The following ARHGAP24 variants were observed in gnomAD, a reference collection of about 807,000 sequenced individuals.
The protein encoded by ARHGAP24 is rho GTPase-activating protein 24.
Under a neutral mutation model 76.4 loss-of-function variants are expected in ARHGAP24, and 50 were observed. The ratio of observed to expected loss-of-function variants is 0.65; its 90% CI spans 0.52 to 0.83. ARHGAP24 has a LOEUF of 0.83. Ranked by LOEUF, ARHGAP24 falls within the 40% of genes least tolerant of loss-of-function variation. The probability of loss-of-function intolerance (pLI) is 0.00; values close to 1 mark genes in which losing one functional copy is unlikely to be tolerated. For missense variants in ARHGAP24, 930 were observed against 914.2 expected, an observed-to-expected ratio of 1.02 and a Z score of -0.22; for synonymous variants, 345 against 323.3, an observed-to-expected ratio of 1.07 and a Z score of -0.72.
chr4:85,797,338 A>C (rs1264975110), intron 3 of ARHGAP24, among the ~76,000 whole-genome samples: 1 of 151,840 alleles, frequency 6.6e-6, no homozygotes, highest in Non-Finnish European at 1.5e-5. Context: ...ACGCCCAGCT[A>C]ATTTTTTTGT....
At chr4:85,812,398 G>C (rs971538277) in intron 3 of ARHGAP24, among the ~76,000 whole-genome samples, 7 of 151,852 alleles carry the variant, frequency 4.6e-5, no homozygotes, top group African/African-American at 1.5e-4. Context: ...GTGATATCTT[G>C]AGCTTTTAAG....
chr4:85,768,025 A>G (rs1726992829), intron 3 of ARHGAP24, among the ~76,000 whole-genome samples: 1 of 152,244 alleles, frequency 6.6e-6, no homozygotes, highest in South Asian at 2.1e-4. Flanking sequence ...AAAGGTGTCA[A>G]AGAGACTGGC....
intron 2 of ARHGAP24, among the ~76,000 whole-genome samples, chr4:85,637,525 T>A (rs1409734338): frequency 6.6e-6 from 1 of 152,102 alleles, no homozygotes; most frequent in Non-Finnish European, 1.5e-5. Flanking sequence ...CCATACATTG[T>A]AACCACTAGC....
At chr4:85,493,216 G>A (rs1723426641) in intron 1 of ARHGAP24, among the ~76,000 whole-genome samples, 1 of 152,158 alleles carries the variant, frequency 6.6e-6, no homozygotes, top group African/African-American at 2.4e-5. Context: ...CTATAAAGTT[G>A]CTAGTTTACT....
At chr4:85,762,901 A>C (rs1270850848) in intron 3 of ARHGAP24, among the ~76,000 whole-genome samples, 4 of 152,214 alleles carry the variant, frequency 2.6e-5, no homozygotes, top group Non-Finnish European at 1.5e-5. Context: ...GAAAAACAAG[A>C]TGACAGGGTA....
chr4:85,806,442 A>G (rs1044172817), intron 3 of ARHGAP24, among the ~76,000 whole-genome samples: 2 of 152,218 alleles, frequency 1.3e-5, no homozygotes, highest in Admixed American at 1.3e-4. Flanking sequence ...TGTGACCATC[A>G]TGAATTACAT....
At chr4:85,631,200 C>T (rs79093697) in intron 2 of ARHGAP24, among the ~76,000 whole-genome samples, 225 of 151,954 alleles carry the variant, frequency 1.5e-3, no homozygotes, top group African/African-American at 5.3e-3. Context: ...ACTTTTGTAT[C>T]GAAAGATAAA....
At chr4:85,946,882 T>C (rs1163706200) in intron 5 of ARHGAP24, among the ~76,000 whole-genome samples, 1 of 152,216 alleles carries the variant, frequency 6.6e-6, no homozygotes, top group Admixed American at 6.5e-5. Flanking sequence ...GTGGTTCAAC[T>C]CTCACTTCCT....
At chr4:85,563,575 AAAT>A (rs1726684241) in intron 1 of ARHGAP24, among the ~76,000 whole-genome samples, 1 of 152,232 alleles carries the variant, frequency 6.6e-6, no homozygotes, top group Non-Finnish European at 1.5e-5. Flanking sequence ...CCCTATATCC[AAAT>A]ACCATCACAC....
chr4:85,589,083 C>T (rs1413792545), intron 2 of ARHGAP24, among the ~76,000 whole-genome samples: 1 of 152,194 alleles, frequency 6.6e-6, no homozygotes, highest in Non-Finnish European at 1.5e-5. Context: ...AATAGAGATT[C>T]TGTAAACTTC....
chr4:85,508,563 A>G (rs1311605458), intron 1 of ARHGAP24, among the ~76,000 whole-genome samples: 1 of 151,996 alleles, frequency 6.6e-6, no homozygotes, highest in African/African-American at 2.4e-5. Context: ...TAAAGATGGA[A>G]CTCCAGCACC....
At chr4:85,695,911 T>A (rs74987947) in intron 2 of ARHGAP24, among the ~76,000 whole-genome samples, 3,381 of 152,264 alleles carry the variant, frequency 0.022, 50 homozygotes, top group South Asian at 0.056. Flanking sequence ...ATAGTATAAC[T>A]TGAATTTATT....
chr4:85,583,323 T>C (rs554707857), intron 2 of ARHGAP24, among the ~76,000 whole-genome samples: 4 of 152,284 alleles, frequency 2.6e-5, no homozygotes, highest in Admixed American at 2.6e-4. Flanking sequence ...TTATGAACTG[T>C]TATGTCTTAT....
At chr4:85,811,821 A>G (rs1342781524) in intron 3 of ARHGAP24, among the ~76,000 whole-genome samples, 5 of 152,212 alleles carry the variant, frequency 3.3e-5, no homozygotes, top group Non-Finnish European at 7.3e-5. Context: ...TTCTGTGCTT[A>G]ATATATATGT....
chr4:85,718,395 A>G (rs1724811359), intron 2 of ARHGAP24, among the ~76,000 whole-genome samples: 1 of 152,124 alleles, frequency 6.6e-6, no homozygotes, highest in East Asian at 1.9e-4. Flanking sequence ...ACACACATGT[A>G]TAAACACGTA....
At chr4:85,539,632 A>G (rs1364444052) in intron 1 of ARHGAP24, among the ~76,000 whole-genome samples, 3 of 152,194 alleles carry the variant, frequency 2.0e-5, no homozygotes, top group Non-Finnish European at 2.9e-5. Context: ...AGGTAGTTTT[A>G]CTAAATTTAA....
chr4:85,923,388 G>A (rs1442490154), intron 3 of ARHGAP24, among the ~76,000 whole-genome samples: 1 of 152,178 alleles, frequency 6.6e-6, no homozygotes, highest in African/African-American at 2.4e-5. Context: ...ATGCAGGCCT[G>A]TGGGTTGTTG....
intron 3 of ARHGAP24, among the ~76,000 whole-genome samples, chr4:85,740,709 T>G (rs1725791142): frequency 6.6e-6 from 1 of 152,242 alleles, no homozygotes; most frequent in African/African-American, 2.4e-5. Context: ...CCTTCTTTCC[T>G]TCGTGTGAGT....
intron 2 of ARHGAP24, among the ~76,000 whole-genome samples, chr4:85,590,206 C>G (rs1578060224): frequency 1.4e-5 from 1 of 72,614 alleles, no homozygotes; most frequent in African/African-American, 3.8e-5. Context: ...TCCTTCCTTC[C>G]TTCCTTCCTT....
Sources: gnomAD v4.1 joint callset for allele counts (sites outside exome capture counted in the v4.1 genomes callset) on GRCh38, gnomAD v4.1.1 for gene constraint, MANE v1.5 for transcripts, NCBI Gene and HGNC (gene_info 2026-07-23, HGNC 2026-07-21) for gene names.